PCNT: variants seen among roughly 807,000 people sequenced by gnomAD.
The protein encoded by PCNT is kendrin.
In PCNT, 319 loss-of-function variants were observed where a neutral mutation model predicts 380.4. The observed-to-expected ratio is 0.84, with a 90% CI of 0.77 to 0.92. The LOEUF (loss-of-function observed/expected upper bound fraction) is 0.92. Among genes scored for constraint, PCNT ranks in the 40% least tolerant of loss-of-function variants. PCNT has a pLI of 0.00. For missense variants in PCNT, 4,400 were observed against 4,255.3 expected (o/e 1.03, Z -0.95); for synonymous variants, 1,845 against 1,735.2 (o/e 1.06, Z -1.57).
chr21:46,416,588 T>C lies in PCNT; in HGVS notation c.6670T>C (p.Trp2224Arg). Residue 2224 changes from tryptophan (W) to arginine (R), a missense_variant, in exon 30 of 47, where the codon TGG (tryptophan) becomes CGG (arginine). Trp to Arg is a moderately radical substitution (Grantham distance 101). Coordinates refer to ENST00000359568, the MANE Select transcript of PCNT (RefSeq NM_006031.6). ...SPVGMLDLSS[W>R]SSPEVLRKDW... ...GGTCGGGATGCTGGACCTGTCTTCC[T>C]GGAGCTCCCCTGAGGTCCTCAGGAA... is the stretch of plus-strand genomic sequence containing the variant. The C allele has an allele frequency of 6.2e-7, 1 of 1,607,816 alleles. No homozygotes were observed. The highest frequency in any genetic ancestry group is 1.1e-5 in the South Asian group (1 of 90,308).
chr21:46,364,399 C>T (rs143162339), intron 14 of PCNT, among the ~76,000 whole-genome samples: 29 of 152,002 alleles, frequency 1.9e-4, no homozygotes, highest in African/African-American at 7.0e-4. Flanking sequence ...GCAGCTGCCG[C>T]CCCAAAGCCC....
intron 41 of PCNT, among the ~76,000 whole-genome samples, chr21:46,438,753 A>G (rs576546987): frequency 1.3e-5 from 2 of 149,694 alleles, no homozygotes; most frequent in African/African-American, 4.9e-5. Context: ...GCTCACTGCA[A>G]CCTCCACCTC....
At chr21:46,386,450 G>A (rs752815511) in intron 17 of PCNT, among the ~76,000 whole-genome samples, 5 of 152,342 alleles carry the variant, frequency 3.3e-5, no homozygotes, top group East Asian at 1.9e-4. Flanking sequence ...AGCAGGGGCC[G>A]TAGCCCTGTC....
In PCNT at chr21:46,388,739, C is replaced by T; in HGVS notation, c.3465-3C>T. On this transcript the variant is annotated splice_region_variant and splice_polypyrimidine_tract_variant and intron_variant, in intron 17 of 46. Transcript: ENST00000359568. The surrounding 1 kb of genome is among the most constrained non-coding windows in gnomAD (Gnocchi z 4.2). ...GCCTGATGATGGGTGTCTCCTGTCT[C>T]AGAGGGGCCCTCCAGGACGCCCTGC... is the stretch of plus-strand genomic sequence containing the variant. The T allele has an allele frequency of 6.2e-7, 1 of 1,613,750 alleles. No homozygotes were observed.
intron 17 of PCNT, among the ~76,000 whole-genome samples, chr21:46,387,984 G>T (rs975001282): frequency 2.0e-5 from 3 of 152,230 alleles, no homozygotes; most frequent in African/African-American, 7.2e-5. Context: ...GCTGAGGCGG[G>T]TGGATCATGA....
chr21:46,418,521 A>G (rs1275854072), intron 31 of PCNT, among the ~76,000 whole-genome samples: 2 of 152,182 alleles, frequency 1.3e-5, no homozygotes, highest in Non-Finnish European at 2.9e-5. Flanking sequence ...GGCCCGGGCC[A>G]CGCTCCACCC....
chr21:46,339,792 A>G (rs1238157330), intron 3 of PCNT, among the ~76,000 whole-genome samples: 3 of 152,114 alleles, frequency 2.0e-5, no homozygotes, highest in Non-Finnish European at 4.4e-5. Context: ...CTTCAATCCA[A>G]TCAAGTTGAC....
At chr21:46,403,849 G>T (rs144068486) in intron 27 of PCNT, among the ~76,000 whole-genome samples, 1 of 143,596 alleles carries the variant, frequency 7.0e-6, no homozygotes, top group African/African-American at 2.7e-5. Context: ...TGGGAGAATC[G>T]TGTATGTGTG....
chr21:46,325,272 G>A, intron 1 of PCNT: 3 of 913,160 alleles, frequency 3.3e-6, no homozygotes, highest in Non-Finnish European at 3.9e-6. Context: ...GGGGCTCCCG[G>A]GCACGGCGGA....
rs1362357250 is a variant in PCNT, at chr21:46,363,747, C to G, written c.2422C>G (p.Leu808Val). The change falls in exon 14 of 47, where the codon CTG becomes GTG. Residue 808 changes from leucine (L) to valine (V), a missense_variant. Transcript: ENST00000359568. Reference protein sequence around the residue: ...QLQDQQAAQILDLERSLTEQQ... With the variant: ...QLQDQQAAQIVDLERSLTEQQ... ...TCAGGACCAACAGGCAGCCCAGATC[C>G]TGGATCTGGAGAGGTCCTTGACGGA... is the stretch of plus-strand genomic sequence containing the variant. The G allele has an allele frequency of 6.2e-7, 1 of 1,614,230 alleles. No individual in the cohort carries two copies. The highest frequency in any genetic ancestry group is 8.5e-7 in the Non-Finnish European group (1 of 1,180,036).
At position 46,346,979 on chromosome 21, in the gene PCNT, C is replaced by T. The variant is rs1419505768; in HGVS notation, c.957C>T (p.Leu319=). 5 of 1,595,404 alleles carry T rather than the reference C, an allele frequency of 3.1e-6. No homozygotes were observed. In the East Asian group the frequency reaches 1.1e-4, roughly 36 times the overall value. The part of the protein sequence containing the change: ...QHAREKEEVV[L]RCGQEAAELK... ...CACGGGAGAAGGAGGAGGTGGTGCTCAGGTGTGGACAGGAAGCAGGTACTG... is the reference window on the plus strand; with the variant it reads ...CACGGGAGAAGGAGGAGGTGGTGCTTAGGTGTGGACAGGAAGCAGGTACTG... Residue 319 remains leucine, a synonymous_variant, in exon 5 of 47, where the codon CTC becomes CTT. Transcript: ENST00000359568.
rs370135350 is a variant in PCNT, at chr21:46,326,465, C to A, written c.143C>A (p.Ala48Glu). ...AAGAGGAAGGGCTCGGCTGTCGATG[C>A]GTCTGTCCAGGAGGAGAGTCCGGTA... ...TAKRKGSAVD[A>E]SVQEESPVTK... is the part of the protein sequence containing the mutation. Residue 48 changes from alanine (A) to glutamate (E), a missense_variant, in exon 2 of 47, where the codon GCG (alanine) becomes GAG (glutamate). Transcript: ENST00000359568. 1.7e-5 allele frequency: 28 copies of A among 1,614,072 alleles called. No individual in the cohort carries two copies. The highest frequency in any genetic ancestry group is 2.3e-5 in the Non-Finnish European group (27 of 1,180,022).
intron 9 of PCNT, among the ~76,000 whole-genome samples, chr21:46,351,802 G>A (rs531632704): frequency 1.1e-4 from 16 of 152,314 alleles, no homozygotes; most frequent in Admixed American, 2.6e-4. Flanking sequence ...ACACTTGCAG[G>A]GGGTGCCTTC....
chr21:46,357,047 C>G lies in PCNT; in HGVS notation c.2010C>G (p.Val670=). Residue 670 remains valine (V), a synonymous_variant, in exon 13 of 47, where the codon GTC becomes GTG. Transcript: ENST00000359568. ...LEADTERAAR[V]LGLETEHKVQ... ...CCGACACAGAGCGGGCAGCCAGAGT[C>G]TTGGGTCTGGAAACTGAGCACAAGG... The G allele has an allele frequency of 6.2e-6, 10 of 1,614,230 alleles. No homozygotes were observed. Among genetic ancestry groups the G allele is most frequent in the Non-Finnish European group, 6.8e-6 (8 of 1,180,048 alleles).
At chr21:46,369,003 G>A (rs1046289570) in intron 15 of PCNT, among the ~76,000 whole-genome samples, 1 of 152,226 alleles carries the variant, frequency 6.6e-6, no homozygotes, top group Non-Finnish European at 1.5e-5. Flanking sequence ...CTCTGTGTAA[G>A]AACAGGAGAA....
chr21:46,416,544 C>G lies in PCNT; in HGVS notation c.6626C>G (p.Ala2209Gly), dbSNP rs1449691672. 3.7e-6 allele frequency: 6 copies of G among 1,613,450 alleles called. No individual in the cohort carries two copies. Among genetic ancestry groups the G allele is most frequent in the Non-Finnish European group, 4.2e-6 (5 of 1,179,866 alleles). The stretch of plus-strand genomic sequence containing the variant: ...CGCCACCAGAGCCACACTGCAGAGG[C>G]TGGGCCCCGGAAGAGCCCGGTCGGG... Reference protein sequence around the residue: ...GSRHQSHTAEAGPRKSPVGML... With the variant: ...GSRHQSHTAEGGPRKSPVGML... Residue 2209 changes from alanine to glycine, a missense_variant, in exon 30 of 47, where the codon GCT becomes GGT. Ala to Gly is a moderately conservative substitution (Grantham distance 60). Coordinates refer to ENST00000359568, the MANE Select transcript of PCNT (RefSeq NM_006031.6).
In PCNT at chr21:46,346,958, G is replaced by T; in HGVS notation, c.936G>T (p.Arg312=). The T allele has an allele frequency of 6.3e-7, 1 of 1,596,422 alleles. No individual in the cohort carries two copies. Among genetic ancestry groups the T allele is most frequent in the Non-Finnish European group, 8.5e-7 (1 of 1,173,712 alleles). The change falls in exon 5 of 47, where the codon CGG becomes CGT. Residue 312 remains arginine (R), a synonymous_variant. Transcript: ENST00000359568. ...ELELLREQHA[R]EKEEVVLRCG... is the part of the protein sequence containing the mutation. ...AGCTCCTCAGGGAGCAGCACGCACG[G>T]GAGAAGGAGGAGGTGGTGCTCAGGT... is the stretch of plus-strand genomic sequence containing the variant.
chr21:46,425,968 G>T lies in PCNT; in HGVS notation c.7317G>T (p.Thr2439=), dbSNP rs759593322. The change falls in exon 33 of 47, where the codon ACG becomes ACT. Residue 2439 remains threonine, a synonymous_variant. Coordinates refer to ENST00000359568, the MANE Select transcript of PCNT (RefSeq NM_006031.6). The surrounding 1 kb of genome is among the most constrained non-coding windows in gnomAD (Gnocchi z 4.2). ...IQDISLHGGK[T]QEVPTACPDW... is the part of the protein sequence containing the mutation. The stretch of plus-strand genomic sequence containing the variant: ...ACATCTCGCTCCATGGGGGAAAGAC[G>T]CAGGTTTATTTTGCCCTTCACACAC... The T allele has an allele frequency of 5.0e-6, 8 of 1,613,882 alleles. No homozygotes were observed. In the South Asian group the frequency reaches 8.8e-5, roughly 18 times the overall value.
intron 15 of PCNT, among the ~76,000 whole-genome samples, chr21:46,370,845 C>T (rs1268131156): frequency 6.6e-6 from 1 of 152,170 alleles, no homozygotes. Flanking sequence ...ACCGTCCTGG[C>T]TAACACGGTG....
Sources: allele counts gnomAD v4.1 joint callset (sites outside exome capture counted in the v4.1 genomes callset), GRCh38; gene constraint gnomAD v4.1.1; non-coding constraint Gnocchi (gnomAD v3.1); transcripts MANE v1.5; gene names NCBI Gene and HGNC (gene_info 2026-07-23, HGNC 2026-07-21).